Variants in CSMD2 observed in about 807,000 individuals in gnomAD.
CSMD2 encodes CUB and Sushi multiple domains 2.
Under a neutral mutation model 398.5 loss-of-function variants are expected in CSMD2, and 130 were observed. The ratio of observed to expected loss-of-function variants is 0.33; its 90% CI spans 0.28 to 0.38. The LOEUF is 0.38. Ranked by LOEUF, CSMD2 falls within the 10% of genes least tolerant of loss-of-function variation. The pLI is 1.00. For missense variants in CSMD2, 3,829 were observed against 4,764.9 expected (o/e 0.80, Z 5.78); for synonymous variants, 1,828 against 1,908.5 (o/e 0.96, Z 1.10).
intron 4 of CSMD2, 81 bp downstream of exon 4, chr1:33,935,679 T>C: frequency 7.1e-7 from 1 of 1,415,180 alleles, no homozygotes; most frequent in African/African-American, 1.4e-5. Flanking sequence ...CTTTGCCCTT[T>C]GAGACTGGAT....
At chr1:33,725,816 T>A (rs191236665) in intron 16 of CSMD2, among the ~76,000 whole-genome samples, 2 of 152,186 alleles carry the variant, frequency 1.3e-5, no homozygotes, top group African/African-American at 4.8e-5. Flanking sequence ...ACTAGCCTCA[T>A]GGAGGTCAGA....
chr1:33,698,369 A>G (rs1026356642), intron 24 of CSMD2, among the ~76,000 whole-genome samples: 1 of 151,888 alleles, frequency 6.6e-6, no homozygotes, highest in Non-Finnish European at 1.5e-5. Context: ...TGGGTGGGAG[A>G]CTCATTTGAG....
chr1:33,825,815 C>T (rs1412210066), intron 6 of CSMD2, 41 bp from the exon 7 acceptor site: 1 of 1,537,102 alleles, frequency 6.5e-7, no homozygotes. Context: ...GAGTTGTTGC[C>T]TGTGACCAGG....
At chr1:33,662,702 T>C (rs1223283284) in intron 26 of CSMD2, among the ~76,000 whole-genome samples, 188 bp downstream of exon 26, 1 of 152,224 alleles carries the variant, frequency 6.6e-6, no homozygotes, top group African/African-American at 2.4e-5. Context: ...TTAACCCACC[T>C]GTCTTCCCTA....
intron 5 of CSMD2, among the ~76,000 whole-genome samples, chr1:33,901,256 C>T (rs568589444): frequency 3.3e-5 from 5 of 152,314 alleles, no homozygotes; most frequent in East Asian, 3.9e-4. Context: ...TGACACCAGG[C>T]GAGGTGAGCC....
At chr1:33,855,153 G>A (rs991458832) in intron 5 of CSMD2, among the ~76,000 whole-genome samples, 40 of 152,162 alleles carry the variant, frequency 2.6e-4, no homozygotes, top group African/African-American at 9.4e-4. Flanking sequence ...TGCCCACTCC[G>A]TCCTTTACTG....
intron 25 of CSMD2, among the ~76,000 whole-genome samples, chr1:33,690,976 G>T (rs887828136): frequency 6.6e-6 from 1 of 152,174 alleles, no homozygotes; most frequent in Admixed American, 6.5e-5. Flanking sequence ...TAGGAGCCCC[G>T]CAAGAGAGGG....
intron 25 of CSMD2, among the ~76,000 whole-genome samples, chr1:33,673,783 C>T (rs1644600361): frequency 6.6e-6 from 1 of 152,182 alleles, no homozygotes; most frequent in Non-Finnish European, 1.5e-5. Flanking sequence ...CTCTGCAAGC[C>T]AGAAGAGAGT....
At chr1:33,812,919 C>G (rs1433816098) in intron 9 of CSMD2, 1 of 152,074 alleles carries the variant, frequency 6.6e-6, no homozygotes, top group African/African-American at 2.4e-5. Context: ...TTTTTTTCCC[C>G]CACAAGTACA....
intron 33 of CSMD2, among the ~76,000 whole-genome samples, chr1:33,625,706 A>G (rs938713544): frequency 3.9e-5 from 6 of 152,256 alleles, no homozygotes; most frequent in African/African-American, 9.6e-5. Context: ...CCTGCCGCCC[A>G]GAATGGCTGA....
chr1:33,745,840 T>G (rs1385724766), intron 13 of CSMD2, among the ~76,000 whole-genome samples: 1 of 152,184 alleles, frequency 6.6e-6, no homozygotes, highest in East Asian at 1.9e-4. Context: ...TATTGAGGGT[T>G]TAACTAAGAG....
chr1:33,764,626 T>C (rs898182966), intron 13 of CSMD2, among the ~76,000 whole-genome samples: 2 of 152,198 alleles, frequency 1.3e-5, no homozygotes, highest in Admixed American at 6.5e-5. Context: ...GAGGGGAATG[T>C]TACATTAAGC....
intron 3 of CSMD2, among the ~76,000 whole-genome samples, chr1:33,959,019 T>C (rs919292806): frequency 6.6e-6 from 1 of 152,194 alleles, no homozygotes; most frequent in African/African-American, 2.4e-5. Flanking sequence ...ACCTGTGACC[T>C]TCCCACACAG....
intron 9 of CSMD2, among the ~76,000 whole-genome samples, chr1:33,817,342 A>G (rs1657584752): frequency 6.6e-6 from 1 of 152,204 alleles, no homozygotes; most frequent in African/African-American, 2.4e-5. Context: ...CACCACCGTC[A>G]GGGCTGGTCA....
intron 37 of CSMD2, among the ~76,000 whole-genome samples, chr1:33,619,017 G>A (rs1641580773): frequency 6.6e-6 from 1 of 152,138 alleles, no homozygotes; most frequent in South Asian, 2.1e-4. Flanking sequence ...AGCATTTCCA[G>A]ACAGGGGGCT....
intron 26 of CSMD2, among the ~76,000 whole-genome samples, chr1:33,661,794 T>C (rs1310051410): frequency 6.6e-6 from 1 of 152,116 alleles, no homozygotes; most frequent in Non-Finnish European, 1.5e-5. Flanking sequence ...GATTTGCAAC[T>C]CTGTAACAAT....
intron 1 of CSMD2, among the ~76,000 whole-genome samples, chr1:34,120,970 A>G (rs1383269081): frequency 2.0e-5 from 3 of 152,052 alleles, no homozygotes; most frequent in African/African-American, 7.3e-5. Flanking sequence ...AGCTCTTACC[A>G]CCCAACATAT....
At chr1:34,140,162 A>G (rs1006216113) in intron 1 of CSMD2, among the ~76,000 whole-genome samples, 9 of 152,148 alleles carry the variant, frequency 5.9e-5, no homozygotes, top group Non-Finnish European at 1.0e-4. Context: ...ATCCAAGGGC[A>G]AGACACACAA....
intron 2 of CSMD2, among the ~76,000 whole-genome samples, chr1:34,040,169 C>CA: frequency 7.0e-6 from 1 of 143,552 alleles, no homozygotes; most frequent in South Asian, 2.2e-4. Context: ...CCAGCCTGGG[C>CA]AAAAAAGTGA....
Sources: gnomAD v4.1 joint callset for allele counts (sites outside exome capture counted in the v4.1 genomes callset) on GRCh38, gnomAD v4.1.1 for gene constraint, MANE v1.5 for transcripts, NCBI Gene and HGNC (gene_info 2026-07-23, HGNC 2026-07-21) for gene names.